Variants in GALK2 observed in about 807,000 individuals in gnomAD.
GALK2 encodes galactokinase 2, also known as N-acetylgalactosamine kinase.
Under a neutral mutation model 52.4 loss-of-function variants are expected in GALK2, and 36 were observed. The observed-to-expected ratio is 0.69, with a 90% CI of 0.53 to 0.91. The LOEUF is 0.91. Among genes scored for constraint, GALK2 ranks in the 40% least tolerant of loss-of-function variants. The probability of loss-of-function intolerance (pLI) is 0.00; values close to 1 mark genes in which losing one functional copy is unlikely to be tolerated. For synonymous variants in GALK2, 176 were observed against 199.1 expected (o/e 0.88, Z 0.98); for missense variants, 579 against 559.1 (o/e 1.04, Z -0.36).
chr15:49,355,574 G>A (rs2043012954), intron 3 of GALK2, among the ~76,000 whole-genome samples: 1 of 152,208 alleles, frequency 6.6e-6, no homozygotes, highest in Non-Finnish European at 1.5e-5. Context: ...AAGCCTCCAA[G>A]AAATATGGGG....
At chr15:49,314,317 C>T (rs1414478037) in intron 8 of GALK2, among the ~76,000 whole-genome samples, 1 of 152,152 alleles carries the variant, frequency 6.6e-6, no homozygotes, top group East Asian at 1.9e-4. Flanking sequence ...TCTCTCACAT[C>T]TGTAAAGCAA....
intron 1 of GALK2, among the ~76,000 whole-genome samples, chr15:49,180,319 A>G (rs2085860272): frequency 6.6e-6 from 1 of 152,150 alleles, no homozygotes; most frequent in South Asian, 2.1e-4. Context: ...GGCTAGCAGG[A>G]TTATCTAAAC....
intron 2 of GALK2, among the ~76,000 whole-genome samples, chr15:49,205,691 C>T (rs1192598746): frequency 6.6e-6 from 1 of 152,134 alleles, no homozygotes; most frequent in African/African-American, 2.4e-5. Flanking sequence ...TGTCTTTTTA[C>T]TCTGCTGACT....
intron 8 of GALK2, among the ~76,000 whole-genome samples, chr15:49,296,395 C>T (rs2034480300): frequency 6.6e-6 from 1 of 152,152 alleles, no homozygotes; most frequent in African/African-American, 2.4e-5. Context: ...TCTGTTCCTG[C>T]ATTAATTTGT....
At chr15:49,203,524 A>G (rs776185737) in intron 2 of GALK2, among the ~76,000 whole-genome samples, 9 of 152,098 alleles carry the variant, frequency 5.9e-5, no homozygotes, top group Non-Finnish European at 1.3e-4. Context: ...GAAGCTTTTT[A>G]GTTTGATATA....
intron 5 of GALK2, among the ~76,000 whole-genome samples, chr15:49,241,255 A>G (rs1351585827): frequency 2.0e-5 from 3 of 152,180 alleles, no homozygotes; most frequent in Admixed American, 6.5e-5. Flanking sequence ...GAGAATCATT[A>G]GTTTATCATT....
chr15:49,345,202 TG>T (rs1279023905), intron 3 of GALK2, among the ~76,000 whole-genome samples: 1 of 152,242 alleles, frequency 6.6e-6, no homozygotes, highest in South Asian at 2.1e-4. Context: ...TATATACTAT[TG>T]GTATTGAAAT....
chr15:49,321,310 CAGGAAGGAAGGAGAGGTAGTAGATGA>C (rs1196650102), intron 9 of GALK2, among the ~76,000 whole-genome samples: 3 of 152,022 alleles, frequency 2.0e-5, no homozygotes, highest in Non-Finnish European at 2.9e-5. Context: ...GGCAGAGGGC[CAGGAAGGAAGGAGAGGTAGTAGATGA>C]AGTAAGGAAG....
intron 1 of GALK2, among the ~76,000 whole-genome samples, chr15:49,171,336 C>A (rs1434079646): frequency 6.6e-6 from 1 of 152,166 alleles, no homozygotes; most frequent in African/African-American, 2.4e-5. Context: ...CTCACCCTGG[C>A]CTCCCAAAGT....
In GALK2 at chr15:49,330,306, A is replaced by G. The variant is rs2038416956; in HGVS notation, c.*2147A>G. 1 of 152,260 alleles carries G rather than the reference A, an allele frequency of 6.6e-6. No homozygotes were observed. Among genetic ancestry groups the G allele is most frequent in the African/African-American group, 2.4e-5 (1 of 41,464 alleles). The allele number at this position is 152,260 out of a possible 1,614,324, so 9.4% of individuals were successfully genotyped here. On this transcript the variant is annotated 3_prime_UTR_variant, in exon 10 of 10. Transcript: ENST00000560031. ...AGCTTTTGAAGAGTCAAATCCAGGC[A>G]GCATTTAGATCAGGGGTTATAGCCC...
chr15:49,235,499 G>C, intron 3 of GALK2: 1 of 393,884 alleles, frequency 2.5e-6, no homozygotes, highest in Non-Finnish European at 5.0e-6. Context: ...TCAGTTTGGG[G>C]GTGTGCCAAA....
At chr15:49,262,456 G>C (rs955988016) in intron 5 of GALK2, among the ~76,000 whole-genome samples, 5 of 151,902 alleles carry the variant, frequency 3.3e-5, no homozygotes, top group African/African-American at 1.2e-4. Context: ...ATTCTTCTCT[G>C]TTTTCTTCTG....
At chr15:49,309,627 T>G (rs983848219) in intron 8 of GALK2, among the ~76,000 whole-genome samples, 1 of 151,058 alleles carries the variant, frequency 6.6e-6, no homozygotes, top group Non-Finnish European at 1.5e-5. Flanking sequence ...GTTTTTTTTT[T>G]GTTTTTTTTT....
In GALK2 at chr15:49,170,267, C is replaced by A; in HGVS notation, c.-56C>A. ...CTGTCACAGAAGTCTCGTGATTGCT[C>A]TGGGAGCTTTGCTTAGACACTTGAA... On this transcript the variant is annotated 5_prime_UTR_variant, in exon 1 of 10. In the 5' UTR this introduces an upstream ATG that the reference lacks. Transcript: ENST00000560031. The A allele has an allele frequency of 6.4e-7, 1 of 1,554,212 alleles. No individual in the cohort carries two copies. Among genetic ancestry groups the A allele is most frequent in the South Asian group, 1.2e-5 (1 of 84,196 alleles).
chr15:49,197,549 G>A (rs1478460155), intron 1 of GALK2, among the ~76,000 whole-genome samples: 2 of 151,982 alleles, frequency 1.3e-5, no homozygotes, highest in Non-Finnish European at 2.9e-5. Context: ...TTTCATATAC[G>A]CTTTATTCAC....
intron 1 of GALK2, among the ~76,000 whole-genome samples, chr15:49,161,123 T>C (rs1209237747): frequency 6.6e-6 from 1 of 152,236 alleles, no homozygotes; most frequent in African/African-American, 2.4e-5. Context: ...CATTTAAATA[T>C]ATTGCATAAT....
intron 3 of GALK2, among the ~76,000 whole-genome samples, chr15:49,361,023 G>C (rs964295075): frequency 6.6e-6 from 1 of 152,050 alleles, no homozygotes; most frequent in African/African-American, 2.4e-5. Flanking sequence ...TACCTGTGGG[G>C]TTGCGGAATA....
In GALK2 at chr15:49,283,719, G is replaced by T. The variant is rs774682483; in HGVS notation, c.756+1G>T. 2 of 1,613,490 alleles carry T rather than the reference G, an allele frequency of 1.2e-6. No homozygotes were observed. The highest frequency in any genetic ancestry group is 1.7e-6 in the Non-Finnish European group (2 of 1,179,748). ...GATGGAGTGTCGGCTGGCTGCGAAG[G>T]TATGAACTTGGCAGGCTAGTGAAAC... On this transcript the variant is annotated splice_donor_variant, in intron 7 of 9. Transcript: ENST00000560031. LOFTEE classifies it high-confidence loss of function.
rs35381509 is a variant in GALK2, at chr15:49,326,255, ATTTTTTTTTTTT to A, written c.1170-1685_1170-1674del. On this transcript the variant is annotated intron_variant, in intron 9 of 9. Coordinates refer to ENST00000560031, the MANE Select transcript of GALK2 (RefSeq NM_002044.4). The stretch of plus-strand genomic sequence containing the variant: ...TTTGATACGACTGCATATGACAACC[ATTTTTTTTTTTT>A]TTTTTTTTTTTGAGATGGAGTCTCA... Among the ~76,000 whole-genome samples the A allele has an allele frequency of 4.0e-5, 4 of 100,700 alleles. No individual in the cohort carries two copies. In the Middle Eastern group the frequency reaches 0.016, roughly 415 times the overall value. 66.1% of individuals were successfully genotyped at this position (100,700 alleles called of 152,430 possible).
Sources: allele counts gnomAD v4.1 joint callset (sites outside exome capture counted in the v4.1 genomes callset), GRCh38; gene constraint gnomAD v4.1.1; transcripts MANE v1.5; gene names NCBI Gene and HGNC (gene_info 2026-07-23, HGNC 2026-07-21).